HIBCH: variants seen among roughly 807,000 people sequenced by gnomAD.
HIBCH encodes the protein 3-hydroxyisobutyryl-CoA hydrolase.
A neutral mutation model predicts 58.2 loss-of-function variants in HIBCH; 50 were observed. That is an observed-to-expected ratio of 0.86 (90% CI 0.68 to 1.09). HIBCH has a LOEUF of 1.09. HIBCH is among the 50% of genes least tolerant of loss of function. HIBCH has a pLI of 0.00. For missense variants in HIBCH, 450 were observed against 449.7 expected (o/e 1.00, Z -0.01); for synonymous variants, 151 against 146.9 (o/e 1.03, Z -0.20).
At chr2:190,289,539 T>C (rs1687913580) in intron 5 of HIBCH, among the ~76,000 whole-genome samples, 3 of 152,168 alleles carry the variant, frequency 2.0e-5, no homozygotes, top group Admixed American at 2.0e-4. Context: ...GTAATGGCAC[T>C]GAGGAAAGCA....
chr2:190,266,901 C>T (rs1306582855), intron 6 of HIBCH, among the ~76,000 whole-genome samples: 1 of 151,246 alleles, frequency 6.6e-6, no homozygotes, highest in Admixed American at 6.6e-5. Context: ...AGACTTCAGG[C>T]GCCCACCACC....
chr2:190,273,826 C>T (rs1434350682), intron 6 of HIBCH, among the ~76,000 whole-genome samples: 1 of 152,126 alleles, frequency 6.6e-6, no homozygotes, highest in East Asian at 1.9e-4. Context: ...CATAAACTCT[C>T]AGGTTCTCTT....
chr2:190,304,115 A>T lies in HIBCH; in HGVS notation c.78+6639T>A, dbSNP rs911973672. Among the ~76,000 whole-genome samples, 1 of 152,190 alleles carries T rather than the reference A, an allele frequency of 6.6e-6. No individual in the cohort carries two copies. On this transcript the variant is annotated intron_variant, in intron 2 of 13. Coordinates refer to ENST00000359678, the MANE Select transcript of HIBCH (RefSeq NM_014362.4). The surrounding 1 kb of genome is among the most constrained non-coding windows in gnomAD (Gnocchi z 4.1). ...AAGCATGACAAGTGAATGCAGTGTC[A>T]TTGATTTCTGGAACAGAATATTAAT...
chr2:190,263,447 T>C (rs538759399), intron 6 of HIBCH, among the ~76,000 whole-genome samples: 2 of 152,302 alleles, frequency 1.3e-5, no homozygotes, highest in South Asian at 2.1e-4. Context: ...TTCTCCCTGA[T>C]ATCAAAGTGT....
chr2:190,190,761 T>A (rs1458668107), intron 1 of HIBCH, among the ~76,000 whole-genome samples: 1 of 152,228 alleles, frequency 6.6e-6, no homozygotes, highest in Non-Finnish European at 1.5e-5. Flanking sequence ...ATTGTGGTTT[T>A]AAAAAATACC....
In HIBCH at chr2:190,210,506, T is replaced by G. The variant is rs1194938940; in HGVS notation, c.1012-1593A>C. On this transcript the variant is annotated intron_variant, in intron 12 of 13. Coordinates refer to ENST00000359678, the MANE Select transcript of HIBCH (RefSeq NM_014362.4). The surrounding 1 kb of genome is among the most constrained non-coding windows in gnomAD (Gnocchi z 5.5). ...TTATAATATGATCTTACCTATTCAGTGCTCAACATAGCAGCCTGAGTGATC... is the reference window on the plus strand; with the variant it reads ...TTATAATATGATCTTACCTATTCAGGGCTCAACATAGCAGCCTGAGTGATC... 6.6e-6 allele frequency among the ~76,000 whole-genome samples: 1 copy of G among 152,242 alleles called. No individual in the cohort carries two copies. Among genetic ancestry groups the G allele is most frequent in the Non-Finnish European group, 1.5e-5 (1 of 68,046 alleles).
At chr2:190,262,926 A>G (rs910152755) in intron 6 of HIBCH, among the ~76,000 whole-genome samples, 6 of 152,244 alleles carry the variant, frequency 3.9e-5, no homozygotes, top group Non-Finnish European at 8.8e-5. Context: ...AAAGCCTTTC[A>G]ATAAAGATGA....
intron 2 of HIBCH, among the ~76,000 whole-genome samples, chr2:190,307,484 C>A (rs1021476163): frequency 7.9e-5 from 12 of 152,050 alleles, no homozygotes; most frequent in African/African-American, 2.7e-4. Context: ...CCAGTCTGGG[C>A]AACACAGAAA....
chr2:190,318,314 G>GC (rs1425468742), intron 1 of HIBCH, among the ~76,000 whole-genome samples: 1 of 152,056 alleles, frequency 6.6e-6, no homozygotes, highest in African/African-American at 2.4e-5. Flanking sequence ...GTGGAGAGTG[G>GC]CATTAGAAAA....
rs1337687681 is a variant in HIBCH, at chr2:190,313,681, T to C, written c.36-2885A>G. Among the ~76,000 whole-genome samples, 6 of 143,318 alleles carry C rather than the reference T, an allele frequency of 4.2e-5. No homozygotes were observed. In the East Asian group the frequency reaches 1.0e-3, roughly 24 times the overall value. The allele number at this position is 143,318 out of a possible 152,430, so 94.0% of individuals were successfully genotyped here. On this transcript the variant is annotated intron_variant, in intron 1 of 13. Transcript: ENST00000359678. ...AAAAAAAAAGGAATCACCTGGAGACTGCTAAAAATTCCAAAGCCCAGGTCA... is the reference window on the plus strand; with the variant it reads ...AAAAAAAAAGGAATCACCTGGAGACCGCTAAAAATTCCAAAGCCCAGGTCA...
chr2:190,307,344 T>C (rs754304380), intron 2 of HIBCH, among the ~76,000 whole-genome samples: 3 of 152,188 alleles, frequency 2.0e-5, no homozygotes, highest in Admixed American at 1.3e-4. Flanking sequence ...CAAAATTAAA[T>C]GAGCTTTTGC....
chr2:190,234,427 G>A (rs1412910191), intron 11 of HIBCH, among the ~76,000 whole-genome samples: 2 of 152,142 alleles, frequency 1.3e-5, no homozygotes, highest in Admixed American at 1.3e-4. Context: ...CAGTAGAAAT[G>A]AATAAGTGAA....
chr2:190,316,162 A>G (rs1688706354), intron 1 of HIBCH, among the ~76,000 whole-genome samples: 1 of 152,102 alleles, frequency 6.6e-6, no homozygotes, highest in African/African-American at 2.4e-5. Context: ...ATTTATTTTT[A>G]GAGACAGGGT....
At chr2:190,200,214 ACTGGTGTG>A, downstream of HIBCH, 3 of 1,352,192 alleles carry the variant, frequency 2.2e-6, no homozygotes, top group Admixed American at 1.9e-5. Context: ...AAAAGCAAAA[ACTGGTGTG>A]AAAAAGTACA....
intron 2 of HIBCH, among the ~76,000 whole-genome samples, chr2:190,303,286 G>A (rs1269880843): frequency 6.6e-6 from 1 of 152,098 alleles, no homozygotes; most frequent in African/African-American, 2.4e-5. Flanking sequence ...CAGCAGCAAA[G>A]AGCACTCCCA....
chr2:190,287,027 C>CGTATGTGT (rs71401245), intron 6 of HIBCH, among the ~76,000 whole-genome samples: 11 of 142,114 alleles, frequency 7.7e-5, no homozygotes, highest in Admixed American at 2.8e-4. Flanking sequence ...TAGCATATAA[C>CGTATGTGT]GTGTGTGTGT....
chr2:190,262,274 A>G (rs187139241), intron 6 of HIBCH, among the ~76,000 whole-genome samples: 372 of 152,318 alleles, frequency 2.4e-3, no homozygotes, highest in African/African-American at 8.4e-3. Context: ...ATAGAAAAAT[A>G]AACACACAAC....
chr2:190,261,465 AC>A (rs1208018348), intron 6 of HIBCH, among the ~76,000 whole-genome samples: 9 of 151,810 alleles, frequency 5.9e-5, no homozygotes, highest in Admixed American at 5.9e-4. Flanking sequence ...GTCTGATCAC[AC>A]CCCCATTCTT....
chr2:190,272,862 G>C (rs913139313), intron 6 of HIBCH, among the ~76,000 whole-genome samples: 6 of 151,944 alleles, frequency 3.9e-5, no homozygotes, highest in African/African-American at 1.5e-4. Context: ...TGGAAATGGG[G>C]TATAGGAAGC....
Sources: allele counts gnomAD v4.1 joint callset (sites outside exome capture counted in the v4.1 genomes callset), GRCh38; gene constraint gnomAD v4.1.1; non-coding constraint Gnocchi (gnomAD v3.1); transcripts MANE v1.5; gene names NCBI Gene and HGNC (gene_info 2026-07-23, HGNC 2026-07-21).